BCAS4: variants seen among roughly 807,000 people sequenced by gnomAD.
The protein encoded by BCAS4 is breast carcinoma amplified sequence 4, also known as breast carcinoma-amplified sequence 4.
Under a neutral mutation model 15.7 loss-of-function variants are expected in BCAS4, and 9 were observed. That is an observed-to-expected ratio of 0.57 (90% CI 0.34 to 1.00). The LOEUF (loss-of-function observed/expected upper bound fraction) is 1.00. Ranked by LOEUF, BCAS4 falls within the 50% of genes least tolerant of loss-of-function variation. The pLI, the probability that BCAS4 is intolerant of heterozygous loss-of-function variation, is 0.02. For synonymous variants in BCAS4, 101 were observed against 99.5 expected (o/e 1.02, Z -0.09); for missense variants, 225 against 239.1 (o/e 0.94, Z 0.39).
chr20:50,809,498 C>T (rs573906718), intron 1 of BCAS4, among the ~76,000 whole-genome samples: 6 of 152,094 alleles, frequency 3.9e-5, no homozygotes, highest in African/African-American at 7.2e-5. Flanking sequence ...TGTGAGCCAC[C>T]GCACCCAGCC....
intron 4 of BCAS4, among the ~76,000 whole-genome samples, chr20:50,873,551 T>C (rs957391119): frequency 5.3e-5 from 8 of 152,236 alleles, no homozygotes; most frequent in African/African-American, 1.9e-4. Flanking sequence ...CAGGCCATCA[T>C]TAAAAAGAAA....
intron 1 of BCAS4, among the ~76,000 whole-genome samples, chr20:50,795,509 G>A (rs1336186274): frequency 1.3e-5 from 2 of 152,198 alleles, no homozygotes; most frequent in Non-Finnish European, 2.9e-5. Context: ...GGCTACCTCC[G>A]AGCGGTGCCC....
chr20:50,868,794 G>A (rs1979487150), intron 4 of BCAS4, among the ~76,000 whole-genome samples: 1 of 152,226 alleles, frequency 6.6e-6, no homozygotes, highest in East Asian at 1.9e-4. Flanking sequence ...TGACCTGGGT[G>A]ACTCACTATT....
At chr20:50,870,854 G>A (rs1184407722) in intron 4 of BCAS4, among the ~76,000 whole-genome samples, 1 of 152,234 alleles carries the variant, frequency 6.6e-6, no homozygotes, top group African/African-American at 2.4e-5. Context: ...GCCAGGCCCT[G>A]CGCCCCAGCA....
At chr20:50,820,673 T>C (rs2088203056) in intron 2 of BCAS4, among the ~76,000 whole-genome samples, 1 of 152,168 alleles carries the variant, frequency 6.6e-6, no homozygotes, top group South Asian at 2.1e-4. Flanking sequence ...GAAGTCCATG[T>C]GGACAGGCGG....
intron 4 of BCAS4, 56 bp from the exon 5 acceptor site, chr20:50,876,430 G>T: frequency 6.3e-7 from 1 of 1,595,920 alleles, no homozygotes; most frequent in Non-Finnish European, 8.5e-7. Context: ...GAATTCCTGG[G>T]TCATGGAACA....
At chr20:50,862,386 T>A (rs1343421009) in intron 4 of BCAS4, among the ~76,000 whole-genome samples, 1 of 152,164 alleles carries the variant, frequency 6.6e-6, no homozygotes, top group Non-Finnish European at 1.5e-5. Context: ...CTCTTAAAAA[T>A]TATTCCCCAG....
intron 1 of BCAS4, among the ~76,000 whole-genome samples, chr20:50,801,454 AG>A (rs2087925795): frequency 6.6e-6 from 1 of 152,068 alleles, no homozygotes; most frequent in Non-Finnish European, 1.5e-5. Context: ...AAAGTCTCTT[AG>A]GGGGACTCCA....
At chr20:50,849,456 G>A (rs545961186) in intron 4 of BCAS4, among the ~76,000 whole-genome samples, 5 of 152,374 alleles carry the variant, frequency 3.3e-5, no homozygotes, top group African/African-American at 1.2e-4. Context: ...GATGGGCAGA[G>A]GGGCTGGAGG....
intron 1 of BCAS4, among the ~76,000 whole-genome samples, chr20:50,804,633 G>T (rs12481170): frequency 6.6e-6 from 1 of 152,210 alleles, no homozygotes; most frequent in African/African-American, 2.4e-5. Context: ...GATTGAGTGC[G>T]TTTAGGGCAG....
At chr20:50,875,626 A>T (rs1385060902) in intron 4 of BCAS4, among the ~76,000 whole-genome samples, 6 of 151,426 alleles carry the variant, frequency 4.0e-5, no homozygotes, top group African/African-American at 1.5e-4. Flanking sequence ...AAAAAAAGAA[A>T]AAAAATTAGC....
Position 50,841,798 on chromosome 20 carries a change from C to T in BCAS4, c.297C>T (p.Ala99=). The change falls in exon 4 of 5, where the codon GCC becomes GCT. Residue 99 remains alanine (A), a synonymous_variant. Coordinates refer to ENST00000371608, the MANE Select transcript of BCAS4 (RefSeq NM_198799.4). ...AFVKMVGHHV[A]FLEADVLQAE... is the part of the protein sequence containing the mutation. Reference sequence around the variant, plus strand: ...TCAAGATGGTTGGACACCACGTCGCCTTCCTGGAAGCAGACGTGCTTCAGG... The same window carrying T: ...TCAAGATGGTTGGACACCACGTCGCTTTCCTGGAAGCAGACGTGCTTCAGG... 6.2e-7 allele frequency: 1 copy of T among 1,614,018 alleles called. No individual in the cohort carries two copies. Among genetic ancestry groups the T allele is most frequent in the Non-Finnish European group, 8.5e-7 (1 of 1,180,022 alleles).
chr20:50,795,026 C>G (rs1406330144), upstream of BCAS4: 3 of 1,416,200 alleles, frequency 2.1e-6, no homozygotes, highest in Non-Finnish European at 1.8e-6. Context: ...CTCCGAGGCC[C>G]GGGCGCAACC....
At chr20:50,842,126 G>T (rs992378126) in intron 4 of BCAS4, among the ~76,000 whole-genome samples, 1 of 152,202 alleles carries the variant, frequency 6.6e-6, no homozygotes, top group African/African-American at 2.4e-5. Context: ...GGCGCCTACT[G>T]TTTGCTGAGT....
chr20:50,836,339 G>GC (rs1568669464), intron 3 of BCAS4, among the ~76,000 whole-genome samples: 1 of 152,148 alleles, frequency 6.6e-6, no homozygotes, highest in East Asian at 1.9e-4. Context: ...GCTCTGATCT[G>GC]CCCCTTTGGT....
chr20:50,815,279 G>A (rs1302406401), intron 1 of BCAS4, among the ~76,000 whole-genome samples: 3 of 152,174 alleles, frequency 2.0e-5, no homozygotes, highest in Admixed American at 1.3e-4. Context: ...GAAACATCTT[G>A]GGAAGGAGGC....
intron 1 of BCAS4, among the ~76,000 whole-genome samples, chr20:50,812,973 G>A (rs958657259): frequency 3.3e-5 from 5 of 151,948 alleles, no homozygotes; most frequent in Non-Finnish European, 5.9e-5. Context: ...ATGCCACCAT[G>A]TCCGGCTAAT....
chr20:50,853,139 A>ATTTTTTTTTTTTTTTTTTTTTTTTTT (rs35651267), intron 4 of BCAS4, among the ~76,000 whole-genome samples: 1 of 106,906 alleles, frequency 9.4e-6, no homozygotes. Context: ...ATCCCCTTTC[A>ATTTTTTTTTTTTTTTTTTTTTTTTTT]TTTTTTTTTT....
intron 3 of BCAS4, among the ~76,000 whole-genome samples, chr20:50,837,122 C>G (rs1285069140): frequency 2.6e-5 from 4 of 152,178 alleles, no homozygotes; most frequent in African/African-American, 9.6e-5. Context: ...TGCTATTAGT[C>G]TCATTTTACA....
Sources: gnomAD v4.1 joint callset for allele counts (sites outside exome capture counted in the v4.1 genomes callset) on GRCh38, gnomAD v4.1.1 for gene constraint, MANE v1.5 for transcripts, NCBI Gene and HGNC (gene_info 2026-07-23, HGNC 2026-07-21) for gene names.